GALNT2: variants seen among roughly 807,000 people sequenced by gnomAD.
The protein encoded by GALNT2 is polypeptide N-acetylgalactosaminyltransferase 2.
In GALNT2, 31 loss-of-function variants were observed where a neutral mutation model predicts 81.4. That is an observed-to-expected ratio of 0.38 (90% CI 0.29 to 0.51). The LOEUF (loss-of-function observed/expected upper bound fraction) is 0.51. GALNT2 is among the 20% of genes least tolerant of loss of function. GALNT2 has a pLI of 0.87. For synonymous variants in GALNT2, 303 were observed against 287.4 expected (o/e 1.05, Z -0.55); for missense variants, 629 against 765.7 (o/e 0.82, Z 2.11).
At chr1:230,261,354 A>G (rs1298173320) in intron 11 of GALNT2, among the ~76,000 whole-genome samples, 2 of 152,218 alleles carry the variant, frequency 1.3e-5, no homozygotes, top group Non-Finnish European at 2.9e-5. Context: ...ATGGTATCTC[A>G]GATCAGTTGA....
At chr1:230,152,177 C>T (rs1662112812) in intron 1 of GALNT2, among the ~76,000 whole-genome samples, 1 of 152,200 alleles carries the variant, frequency 6.6e-6, no homozygotes, top group Non-Finnish European at 1.5e-5. Context: ...GTTTTAGCCT[C>T]ATTTTACCCA....
intron 3 of GALNT2, among the ~76,000 whole-genome samples, chr1:230,224,679 G>A (rs1490422499): frequency 2.0e-5 from 3 of 152,202 alleles, no homozygotes; most frequent in African/African-American, 4.8e-5. Context: ...GGCCGGTGCC[G>A]AAGCGTGGAG....
chr1:230,232,457 G>A (rs1455250800), intron 3 of GALNT2, among the ~76,000 whole-genome samples: 2 of 152,178 alleles, frequency 1.3e-5, no homozygotes, highest in African/African-American at 4.8e-5. Flanking sequence ...AAAGGAAACC[G>A]AGAGAATAGG....
intron 1 of GALNT2, among the ~76,000 whole-genome samples, chr1:230,098,127 G>T (rs961969289): frequency 3.3e-5 from 5 of 152,136 alleles, no homozygotes; most frequent in Non-Finnish European, 7.3e-5. Flanking sequence ...GCCCAGGTTT[G>T]AATTATGTGG....
intron 1 of GALNT2, among the ~76,000 whole-genome samples, chr1:230,138,540 A>AAG (rs1553260244): frequency 0.061 from 9,192 of 150,256 alleles, 367 homozygotes; most frequent in African/African-American, 0.098. Flanking sequence ...AAAAAAAAAA[A>AAG]AAAATGAAAC....
At position 230,275,152 on chromosome 1, in the gene GALNT2, C is replaced by T. The variant is rs1485005825; in HGVS notation, c.1560+588C>T. Among the ~76,000 whole-genome samples the T allele has an allele frequency of 2.0e-5, 3 of 150,898 alleles. No individual in the cohort carries two copies. The highest frequency in any genetic ancestry group is 4.4e-5 in the Non-Finnish European group (3 of 67,746). On this transcript the variant is annotated intron_variant, in intron 15 of 15. Transcript: ENST00000366672. This position sits in a 1 kb window ranked among gnomAD's most constrained non-coding sequence, Gnocchi z 5.5. The stretch of plus-strand genomic sequence containing the variant: ...TACACACCACATATACATATATACA[C>T]ACCACATATACATATACCTGCCACA...
At chr1:230,150,905 A>C (rs1333307265) in intron 1 of GALNT2, among the ~76,000 whole-genome samples, 1 of 152,140 alleles carries the variant, frequency 6.6e-6, no homozygotes, top group African/African-American at 2.4e-5. Flanking sequence ...TTCCCTAAGG[A>C]ATCTATTTTC....
At chr1:230,232,654 G>A (rs576545088) in intron 3 of GALNT2, among the ~76,000 whole-genome samples, 3 of 152,330 alleles carry the variant, frequency 2.0e-5, no homozygotes, top group South Asian at 2.1e-4. Flanking sequence ...GCCTCCTAAC[G>A]CGGAGTCCTT....
upstream of GALNT2, chr1:230,067,236 G>A: frequency 8.3e-7 from 1 of 1,211,612 alleles, no homozygotes; most frequent in Non-Finnish European, 1.0e-6. Context: ...GGCCCAGGCA[G>A]CACTCGCGAG....
chr1:230,273,539 G>A (rs1450313297), intron 14 of GALNT2, among the ~76,000 whole-genome samples: 1 of 152,216 alleles, frequency 6.6e-6, no homozygotes, highest in East Asian at 1.9e-4. Context: ...ATGGTCAGAA[G>A]CCTCACCTTC....
intron 8 of GALNT2, among the ~76,000 whole-genome samples, chr1:230,248,468 T>C (rs1665445216): frequency 1.3e-5 from 2 of 152,208 alleles, no homozygotes; most frequent in Admixed American, 6.5e-5. Flanking sequence ...GCACTATGTG[T>C]GTGACCCTGG....
chr1:230,111,799 C>T (rs1293795137), intron 1 of GALNT2, among the ~76,000 whole-genome samples: 1 of 152,138 alleles, frequency 6.6e-6, no homozygotes, highest in African/African-American at 2.4e-5. Flanking sequence ...GGAGAGATAG[C>T]CAGAATACAA....
intron 1 of GALNT2, among the ~76,000 whole-genome samples, chr1:230,123,908 G>C (rs531343796): frequency 6.6e-6 from 1 of 152,316 alleles, no homozygotes; most frequent in Admixed American, 6.5e-5. Flanking sequence ...GAACCACACT[G>C]TCAGGGGACT....
At chr1:230,159,195 T>C (rs1266414091) in intron 1 of GALNT2, among the ~76,000 whole-genome samples, 1 of 152,246 alleles carries the variant, frequency 6.6e-6, no homozygotes, top group East Asian at 1.9e-4. Context: ...CACCCTTTGC[T>C]GTTGATGTGA....
At chr1:230,201,321 G>A (rs1440647609) in intron 2 of GALNT2, among the ~76,000 whole-genome samples, 1 of 152,130 alleles carries the variant, frequency 6.6e-6, no homozygotes, top group Non-Finnish European at 1.5e-5. Flanking sequence ...AGACTTCTGT[G>A]ACACCCCCCA....
At chr1:230,161,986 TA>T (rs1252174521) in intron 1 of GALNT2, among the ~76,000 whole-genome samples, 1 of 152,162 alleles carries the variant, frequency 6.6e-6, no homozygotes, top group Non-Finnish European at 1.5e-5. Context: ...TTTGGAATAA[TA>T]TGGGGTATTA....
chr1:230,274,062 C>T (rs1666220359), intron 14 of GALNT2, among the ~76,000 whole-genome samples: 1 of 152,250 alleles, frequency 6.6e-6, no homozygotes, highest in Non-Finnish European at 1.5e-5. Flanking sequence ...GGACCAGTTG[C>T]CAACTGTCTA....
At chr1:230,208,158 G>A (rs148837653) in intron 3 of GALNT2, among the ~76,000 whole-genome samples, 1 of 152,312 alleles carries the variant, frequency 6.6e-6, no homozygotes, top group East Asian at 1.9e-4. Flanking sequence ...CTTTTTTGTA[G>A]TAAGTGTTTG....
chr1:230,130,999 A>G (rs1201320322), intron 1 of GALNT2, among the ~76,000 whole-genome samples: 1 of 152,224 alleles, frequency 6.6e-6, no homozygotes, highest in Non-Finnish European at 1.5e-5. Flanking sequence ...ACCCTCCAAC[A>G]TAAAAATTTT....
Sources: gnomAD v4.1 joint callset for allele counts (sites outside exome capture counted in the v4.1 genomes callset) on GRCh38, gnomAD v4.1.1 for gene constraint, Gnocchi (gnomAD v3.1) non-coding constraint, MANE v1.5 for transcripts, NCBI Gene and HGNC (gene_info 2026-07-23, HGNC 2026-07-21) for gene names.